The following LETM1 variants were observed in gnomAD, a reference collection of about 807,000 sequenced individuals.
The protein encoded by LETM1 is leucine zipper and EF-hand containing transmembrane protein 1, also known as mitochondrial proton/calcium exchanger protein.
LETM1 carries 50 observed loss-of-function variants against 74.5 expected under a neutral mutation model. The observed-to-expected ratio is 0.67, with a 90% CI of 0.53 to 0.85. The LOEUF (loss-of-function observed/expected upper bound fraction) is 0.85. LETM1 is among the 40% of genes least tolerant of loss of function. The pLI is 0.00. For synonymous variants in LETM1, 446 were observed against 407.1 expected (o/e 1.10, Z -1.15); for missense variants, 824 against 967.8 (o/e 0.85, Z 1.97).
At chr4:1,832,576 T>A (rs1424948928) in intron 6 of LETM1, among the ~76,000 whole-genome samples, 168 bp downstream of exon 6, 1 of 152,142 alleles carries the variant, frequency 6.6e-6, no homozygotes, top group African/African-American at 2.4e-5. Flanking sequence ...AGAAAAGACA[T>A]CCATCTTCAA....
At chr4:1,828,242 T>C (rs1483250013) in intron 6 of LETM1, among the ~76,000 whole-genome samples, 1 of 82,858 alleles carries the variant, frequency 1.2e-5, no homozygotes, top group African/African-American at 4.5e-5. Context: ...GCCCCCCACC[T>C]CCCTCCCGGA....
chr4:1,836,394 C>CAGA lies in LETM1; in HGVS notation c.738+34_738+35insTCT. 13 of 1,608,714 alleles carry CAGA rather than the reference C, an allele frequency of 8.1e-6. No homozygotes were observed. Among genetic ancestry groups the CAGA allele is most frequent in the Non-Finnish European group, 9.4e-6 (11 of 1,175,832 alleles). On this transcript the variant is annotated intron_variant, in intron 4 of 13. Coordinates refer to ENST00000302787, the MANE Select transcript of LETM1 (RefSeq NM_012318.3). The surrounding 1 kb of genome is among the most constrained non-coding windows in gnomAD (Gnocchi z 5.8). The stretch of plus-strand genomic sequence containing the variant: ...AAGCCATCACAATGAATTTCAGACT[C>CAGA]ATTCTAAAACAAGCAGTTGGGATGC...
At chr4:1,837,694 T>C (rs1158671953) in intron 3 of LETM1, among the ~76,000 whole-genome samples, 2 of 151,196 alleles carry the variant, frequency 1.3e-5, no homozygotes, top group African/African-American at 4.9e-5. Context: ...AATCCAAATT[T>C]ACAAGTTTTT....
chr4:1,835,236 G>A (rs1044290526), intron 4 of LETM1, among the ~76,000 whole-genome samples: 13 of 152,170 alleles, frequency 8.5e-5, no homozygotes, highest in Non-Finnish European at 1.5e-4. Context: ...CCTGAGGTCA[G>A]GAGTTTGAGA....
intron 10 of LETM1, among the ~76,000 whole-genome samples, chr4:1,819,719 G>C (rs547384765): frequency 2.0e-5 from 3 of 152,186 alleles, no homozygotes; most frequent in South Asian, 2.1e-4. Context: ...GAATTGACAC[G>C]TGTACTGTGA....
In LETM1 at chr4:1,823,769, C is replaced by T. The variant is rs1178398977; in HGVS notation, c.1207G>A (p.Asp403Asn). Reference protein sequence around the residue: ...RLRGQLKQWLDLHLHQEIPTS... With the variant: ...RLRGQLKQWLNLHLHQEIPTS... ...GGGATCTCCTGATGCAGGTGCAGGT[C>T]CAGCCACTGCAACCAAGGCCAGGTT... is the stretch of plus-strand genomic sequence containing the variant. The change falls in exon 8 of 14, where the codon GAC (aspartate) becomes AAC (asparagine). Residue 403 changes from aspartate (D) to asparagine (N), a missense_variant. Asp to Asn is a conservative substitution (Grantham distance 23). This residue lies in a region of LETM1 where 269 missense variants were observed against 348.8 expected (regional missense o/e 0.77). Transcript: ENST00000302787. The T allele has an allele frequency of 6.2e-7, 1 of 1,608,826 alleles. No individual in the cohort carries two copies. The highest frequency in any genetic ancestry group is 8.5e-7 in the Non-Finnish European group (1 of 1,177,026).
At position 1,817,964 on chromosome 4, in the gene LETM1, G is replaced by A. The variant is rs560588578; in HGVS notation, c.1744-1050C>T. Among the ~76,000 whole-genome samples, 11 of 152,268 alleles carry A rather than the reference G, an allele frequency of 7.2e-5. 1 individual carries two copies. The South Asian group carries it at 2.3e-3, about 32-fold the overall frequency. ...CTGGCTAATTTTTGTATTTTTTGCA[G>A]AAATGGTGTTTCACCATGTTGCCCA... On this transcript the variant is annotated intron_variant, in intron 11 of 13. Transcript: ENST00000302787.
At chr4:1,851,109 C>G (rs1713056393) in intron 1 of LETM1, among the ~76,000 whole-genome samples, 1 of 152,194 alleles carries the variant, frequency 6.6e-6, no homozygotes, top group Non-Finnish European at 1.5e-5. Flanking sequence ...ATTCGTATTA[C>G]TGACATTCAG....
At chr4:1,842,532 C>T (rs1418943928) in intron 2 of LETM1, among the ~76,000 whole-genome samples, 2 of 152,212 alleles carry the variant, frequency 1.3e-5, no homozygotes, top group African/African-American at 2.4e-5. Flanking sequence ...GTGCTGCCTC[C>T]TAGCGGGTGC....
chr4:1,844,246 A>G (rs1249504401), intron 2 of LETM1, among the ~76,000 whole-genome samples: 1 of 152,254 alleles, frequency 6.6e-6, no homozygotes, highest in African/African-American at 2.4e-5. Context: ...CACGCTAAGT[A>G]CAGATTTAGA....
chr4:1,815,287 G>T (rs1047715517), intron 13 of LETM1, among the ~76,000 whole-genome samples: 1 of 152,120 alleles, frequency 6.6e-6, no homozygotes, highest in South Asian at 2.1e-4. Flanking sequence ...TCTCAGCTTT[G>T]GGGGCCCCCG....
intron 2 of LETM1, among the ~76,000 whole-genome samples, chr4:1,848,349 C>T (rs566889202): frequency 1.3e-5 from 2 of 151,972 alleles, no homozygotes; most frequent in Non-Finnish European, 2.9e-5. Flanking sequence ...GAGATTGAGA[C>T]CATCCTGGCT....
intron 1 of LETM1, among the ~76,000 whole-genome samples, chr4:1,852,188 C>T (rs1262326705): frequency 6.6e-6 from 1 of 152,212 alleles, no homozygotes; most frequent in Non-Finnish European, 1.5e-5. Flanking sequence ...CCAGGCTTAC[C>T]CAACTTCAGC....
At chr4:1,829,493 G>GT (rs1712181435) in intron 6 of LETM1, among the ~76,000 whole-genome samples, 1 of 152,222 alleles carries the variant, frequency 6.6e-6, no homozygotes. Context: ...GAAATCCATT[G>GT]TCATTCAAAT....
In LETM1 at chr4:1,856,061, G is replaced by C. The variant is rs546583003; in HGVS notation, c.-111C>G. ...TCAGACCCGGCCCGCGCGGACGGCTGACAGAGGCGGCTGGCCTCGGACGGG... is the reference window on the plus strand; with the variant it reads ...TCAGACCCGGCCCGCGCGGACGGCTCACAGAGGCGGCTGGCCTCGGACGGG... On this transcript the variant is annotated 5_prime_UTR_variant, in exon 1 of 14. Coordinates refer to ENST00000302787, the MANE Select transcript of LETM1 (RefSeq NM_012318.3). 1.6e-6 allele frequency: 1 copy of C among 613,896 alleles called. No individual in the cohort carries two copies. The highest frequency in any genetic ancestry group is 1.9e-5 in the African/African-American group (1 of 51,448). The allele number at this position is 613,896 out of a possible 1,614,324, so 38.0% of individuals were successfully genotyped here.
At position 1,822,392 on chromosome 4, in the gene LETM1, T is replaced by A. The variant is rs1005472720; in HGVS notation, c.1477-80A>T. 3.8e-6 allele frequency: 5 copies of A among 1,325,946 alleles called. No homozygotes were observed. In the African/African-American group the frequency reaches 6.1e-5, roughly 16 times the overall value. 82.1% of individuals were successfully genotyped at this position (1,325,946 alleles called of 1,614,324 possible). On this transcript the variant is annotated intron_variant, in intron 9 of 13. Coordinates refer to ENST00000302787, the MANE Select transcript of LETM1 (RefSeq NM_012318.3). ...CTTGCTCCCCGAAGCTCAGAACATATGGCAGAGGCCACACTGGGAGCAGGC... is the reference window on the plus strand; with the variant it reads ...CTTGCTCCCCGAAGCTCAGAACATAAGGCAGAGGCCACACTGGGAGCAGGC...
chr4:1,827,430 C>T (rs571918080), intron 6 of LETM1, among the ~76,000 whole-genome samples: 2,257 of 119,134 alleles, frequency 0.019, 87 homozygotes, highest in African/African-American at 0.072. Context: ...GCAGAGGACC[C>T]TGCGGCCTTC....
At chr4:1,845,306 C>T (rs1228195688) in intron 2 of LETM1, among the ~76,000 whole-genome samples, 3 of 151,604 alleles carry the variant, frequency 2.0e-5, no homozygotes, top group Non-Finnish European at 2.9e-5. Flanking sequence ...TAAATGGTTA[C>T]CATTTATAGC....
At chr4:1,829,545 T>C (rs1405381861) in intron 6 of LETM1, among the ~76,000 whole-genome samples, 2 of 152,274 alleles carry the variant, frequency 1.3e-5, no homozygotes, top group Non-Finnish European at 2.9e-5. Flanking sequence ...CCAGGAACAG[T>C]GGCTCACGCC....
Sources: gnomAD v4.1 joint callset for allele counts (sites outside exome capture counted in the v4.1 genomes callset) on GRCh38, gnomAD v4.1.1 for gene constraint, gnomAD v4.1.1 regional missense constraint, Gnocchi (gnomAD v3.1) non-coding constraint, MANE v1.5 for transcripts, NCBI Gene and HGNC (gene_info 2026-07-23, HGNC 2026-07-21) for gene names.